The following MYOF variants were observed in gnomAD, a reference collection of about 807,000 sequenced individuals.
The protein encoded by MYOF is myoferlin, also known as fer-1-like 3, myoferlin.
Under a neutral mutation model 284.2 loss-of-function variants are expected in MYOF, and 244 were observed. The ratio of observed to expected loss-of-function variants is 0.86; its 90% confidence interval spans 0.77 to 0.95. MYOF has a LOEUF of 0.95. Ranked by LOEUF, MYOF falls within the 40% of genes least tolerant of loss-of-function variation. The probability of loss-of-function intolerance (pLI) is 0.00; values close to 1 mark genes in which losing one functional copy is unlikely to be tolerated. For missense variants in MYOF, 2,496 were observed against 2,560.6 expected (o/e 0.97, Z 0.54); for synonymous variants, 904 against 919.7 (o/e 0.98, Z 0.31).
In MYOF at chr10:93,362,160, G is replaced by C. The variant is rs1845105159; in HGVS notation, c.2869-603C>G. 2.0e-5 allele frequency among the ~76,000 whole-genome samples: 3 copies of C among 152,128 alleles called. No individual in the cohort carries two copies. The South Asian group carries it at 6.2e-4, about 31-fold the overall frequency. On this transcript the variant is annotated intron_variant, in intron 27 of 53. Transcript: ENST00000359263. ...AGACAGGGTTTCACCATGTTAGCCA[G>C]GCTGGTCTCAAACTCCTGACCTCAT...
At chr10:93,333,581 C>T (rs1186489904) in intron 42 of MYOF, among the ~76,000 whole-genome samples, 177 bp downstream of exon 42, 1 of 152,150 alleles carries the variant, frequency 6.6e-6, no homozygotes, top group Non-Finnish European at 1.5e-5. Context: ...CCTTAAGCCC[C>T]CCGCAAGCTC....
intron 5 of MYOF, among the ~76,000 whole-genome samples, chr10:93,423,344 T>C (rs188490033): frequency 0.016 from 2,380 of 149,574 alleles, 28 homozygotes; most frequent in Non-Finnish European, 0.026. Context: ...CTGACCAACA[T>C]GGTGAAACTC....
At chr10:93,456,637 G>C (rs541163152) in intron 2 of MYOF, among the ~76,000 whole-genome samples, 1 of 152,308 alleles carries the variant, frequency 6.6e-6, no homozygotes, top group Admixed American at 6.5e-5. Context: ...TGCCTGGTAA[G>C]AACTCAACTC....
intron 52 of MYOF, 80 bp downstream of exon 52, chr10:93,310,454 C>G: frequency 7.1e-7 from 1 of 1,400,968 alleles, no homozygotes. Flanking sequence ...AAAAGCTAAT[C>G]CATCCCATTA....
chr10:93,443,464 CTCTCTCTCTGTGTG>C (rs1197230833), intron 3 of MYOF, among the ~76,000 whole-genome samples: 2 of 118,016 alleles, frequency 1.7e-5, no homozygotes, highest in African/African-American at 6.5e-5. Context: ...CTCTCTCTCT[CTCTCTCTCTGTGTG>C]TGTGTGTGTG....
intron 7 of MYOF, among the ~76,000 whole-genome samples, chr10:93,405,550 T>C (rs1159397953): frequency 2.6e-5 from 4 of 152,182 alleles, no homozygotes; most frequent in African/African-American, 9.7e-5. Flanking sequence ...TGGCTTGGCC[T>C]CCCAAAGTAC....
chr10:93,333,703 G>A, intron 42 of MYOF, 55 bp downstream of exon 42: 1 of 1,589,406 alleles, frequency 6.3e-7, no homozygotes, highest in Non-Finnish European at 8.6e-7. Context: ...AATTATTGTG[G>A]CTGATGACTG....
chr10:93,417,761 G>A (rs1056933339), intron 5 of MYOF, among the ~76,000 whole-genome samples: 3 of 152,076 alleles, frequency 2.0e-5, no homozygotes, highest in Admixed American at 6.6e-5. Context: ...CCTAGGAATG[G>A]CTGAGGAAAA....
intron 3 of MYOF, among the ~76,000 whole-genome samples, chr10:93,438,478 C>T (rs1275212846): frequency 6.6e-6 from 1 of 152,220 alleles, no homozygotes; most frequent in Non-Finnish European, 1.5e-5. Context: ...CCCGCCCACC[C>T]TCACTCGGCC....
intron 16 of MYOF, among the ~76,000 whole-genome samples, chr10:93,394,892 G>GTA (rs748590151): frequency 2.6e-4 from 39 of 149,552 alleles, no homozygotes; most frequent in East Asian, 9.8e-4. Context: ...CATATAGTGT[G>GTA]TATATATATA....
chr10:93,456,823 A>G (rs1249063420), intron 2 of MYOF, 59 bp downstream of exon 2: 2 of 1,295,190 alleles, frequency 1.5e-6, no homozygotes, highest in Non-Finnish European at 1.1e-6. Context: ...TCACCCAAAG[A>G]TAGGACAATC....
chr10:93,386,842 A>G (rs1846392761), intron 19 of MYOF, among the ~76,000 whole-genome samples: 1 of 152,184 alleles, frequency 6.6e-6, no homozygotes, highest in African/African-American at 2.4e-5. Flanking sequence ...ACATCAGACG[A>G]CTAGAGGGAG....
chr10:93,363,279 G>A (rs1845162325), intron 27 of MYOF, among the ~76,000 whole-genome samples: 1 of 152,222 alleles, frequency 6.6e-6, no homozygotes, highest in Non-Finnish European at 1.5e-5. Context: ...TTATCTTTGG[G>A]GAGTGGAATA....
At chr10:93,337,091 A>G (rs982454278) in intron 40 of MYOF, among the ~76,000 whole-genome samples, 8 of 151,198 alleles carry the variant, frequency 5.3e-5, no homozygotes, top group Admixed American at 3.3e-4. Context: ...GTATTTCTTA[A>G]GCTACACTGA....
Position 93,323,076 on chromosome 10 carries a change from AC to A in MYOF, c.5456+1del. On this transcript the variant is annotated splice_donor_variant, in intron 48 of 53. Coordinates refer to ENST00000359263, the MANE Select transcript of MYOF (RefSeq NM_013451.4). LOFTEE classifies it high-confidence loss of function. ...GCAAAGTCTCTCACATGCTAACCTTACCCTTTGACGTAGATGTCACTCATTT... is the reference window on the plus strand; with the variant it reads ...GCAAAGTCTCTCACATGCTAACCTTACCTTTGACGTAGATGTCACTCATTT... 6.2e-7 allele frequency: 1 copy of A among 1,612,828 alleles called. No individual in the cohort carries two copies. Among genetic ancestry groups the A allele is most frequent in the Non-Finnish European group, 8.5e-7 (1 of 1,178,822 alleles).
chr10:93,401,962 A>T (rs1564687896), intron 11 of MYOF, among the ~76,000 whole-genome samples: 1 of 152,182 alleles, frequency 6.6e-6, no homozygotes, highest in Non-Finnish European at 1.5e-5. Context: ...TTCTAGATAA[A>T]AGCAGTCTTT....
At chr10:93,418,254 C>T (rs1848214642) in intron 5 of MYOF, among the ~76,000 whole-genome samples, 1 of 152,096 alleles carries the variant, frequency 6.6e-6, no homozygotes, top group Non-Finnish European at 1.5e-5. Flanking sequence ...GCTAAAAGGA[C>T]AATGCAGAAC....
rs760639207 is a variant in MYOF at position 93,353,859 on chromosome 10, C to G, written c.3433G>C (p.Val1145Leu). The G allele has an allele frequency of 6.2e-7, 1 of 1,610,034 alleles. No homozygotes were observed. Among genetic ancestry groups the G allele is most frequent in the Non-Finnish European group, 8.5e-7 (1 of 1,177,652 alleles). The change falls in exon 32 of 54, where the codon GTC (valine) becomes CTC (leucine). Residue 1145 changes from valine (V) to leucine (L), a missense_variant. Physicochemically the swap from Val to Leu is conservative, Grantham distance 32 (BLOSUM62 1). Coordinates refer to ENST00000359263, the MANE Select transcript of MYOF (RefSeq NM_013451.4). The part of the protein sequence containing the change: ...RVYIYHLRCY[V>L]YQARNLLALD... The stretch of plus-strand genomic sequence containing the variant: ...GCCAAGAGGTTTCTGGCTTGATAGA[C>G]ATAGCAGCGCAGATGGTAGATGTAG...
intron 17 of MYOF, among the ~76,000 whole-genome samples, chr10:93,392,349 T>A (rs1240004740): frequency 6.6e-6 from 1 of 152,168 alleles, no homozygotes; most frequent in Non-Finnish European, 1.5e-5. Flanking sequence ...AGAGTCTTCA[T>A]CTATTAGGGG....
Sources: gnomAD v4.1 joint callset for allele counts (sites outside exome capture counted in the v4.1 genomes callset) on GRCh38, gnomAD v4.1.1 for gene constraint, MANE v1.5 for transcripts, NCBI Gene and HGNC (gene_info 2026-07-23, HGNC 2026-07-21) for gene names.